Variants in CHD9 observed in about 807,000 individuals in gnomAD.
The protein encoded by CHD9 is ATP-dependent chromatin remodeler CHD9.
CHD9 carries 77 observed loss-of-function variants against 316.1 expected under a neutral mutation model. The observed-to-expected ratio is 0.24, with a 90% CI of 0.20 to 0.29. CHD9 has a LOEUF of 0.29. Among genes scored for constraint, CHD9 ranks in the 10% least tolerant of loss-of-function variants. The probability of loss-of-function intolerance (pLI) is 1.00; values close to 1 mark genes in which losing one functional copy is unlikely to be tolerated. For synonymous variants in CHD9, 1,129 were observed against 1,158.3 expected (o/e 0.97, Z 0.51); for missense variants, 2,763 against 3,438.1 (o/e 0.80, Z 4.91).
intron 19 of CHD9, among the ~76,000 whole-genome samples, chr16:53,256,718 G>C (rs2050641427): frequency 6.6e-6 from 1 of 150,750 alleles, no homozygotes; most frequent in Non-Finnish European, 1.5e-5. Context: ...TTTATTATTG[G>C]AGTATTCTGT....
chr16:53,248,526 G>GTTTTTTTTTTTTT (rs542703474), intron 16 of CHD9, among the ~76,000 whole-genome samples: 60 of 105,950 alleles, frequency 5.7e-4, no homozygotes, highest in Admixed American at 8.2e-4. Context: ...TTTTTTTTTT[G>GTTTTTTTTTTTTT]TTTTTTTTTT....
In CHD9 at chr16:53,291,856, A is replaced by G. The variant is rs191928846; in HGVS notation, c.5290+89A>G. On this transcript the variant is annotated intron_variant, in intron 28 of 38. Transcript: ENST00000447540. ...ATCAGTAAACTATTACACTTTTATA[A>G]TGTTTCATATATAAAAATTTTTATT... is the stretch of plus-strand genomic sequence containing the variant. 9.6e-5 allele frequency: 75 copies of G among 784,030 alleles called. 1 individual carries two copies. The highest frequency in any genetic ancestry group is 6.5e-4 in the East Asian group (22 of 33,732). 48.6% of individuals were successfully genotyped at this position (784,030 alleles called of 1,614,324 possible).
At position 53,286,339 on chromosome 16, in the gene CHD9, G is replaced by T; in HGVS notation, c.5185G>T (p.Asp1729Tyr). 3 of 1,555,620 alleles carry T rather than the reference G, an allele frequency of 1.9e-6. No homozygotes were observed. The highest frequency in any genetic ancestry group is 2.7e-6 in the Non-Finnish European group (3 of 1,126,990). The change falls in exon 26 of 39, where the codon GAT becomes TAT. Residue 1729 changes from aspartate (D) to tyrosine (Y), a missense_variant. Coordinates refer to ENST00000447540, the MANE Select transcript of CHD9 (RefSeq NM_001308319.2). ...TGAACAGAGAGCGAATGATTATATGGATGGGTATGTGTGTTTCAGAGTCAT... is the reference window on the plus strand; with the variant it reads ...TGAACAGAGAGCGAATGATTATATGTATGGGTATGTGTGTTTCAGAGTCAT... ...AAEQRANDYM[D>Y]GDVEDPEYKP...
At chr16:53,258,500 A>T (rs949391201) in intron 19 of CHD9, among the ~76,000 whole-genome samples, 3 of 152,148 alleles carry the variant, frequency 2.0e-5, no homozygotes, top group Non-Finnish European at 4.4e-5. Flanking sequence ...ATGCTATTAG[A>T]TACTGGACAT....
intron 2 of CHD9, among the ~76,000 whole-genome samples, chr16:53,191,607 T>A (rs1262693519): frequency 6.6e-6 from 1 of 152,168 alleles, no homozygotes; most frequent in Non-Finnish European, 1.5e-5. Context: ...GGCAGTAGTT[T>A]GTTCCTTTTT....
chr16:53,309,845 T>A (rs550500966), intron 34 of CHD9, among the ~76,000 whole-genome samples: 97 of 149,364 alleles, frequency 6.5e-4, no homozygotes, highest in African/African-American at 2.2e-3. Context: ...AATGAAAATT[T>A]AAAAAAAAAA....
intron 19 of CHD9, among the ~76,000 whole-genome samples, chr16:53,261,240 A>G (rs764006602): frequency 6.6e-6 from 1 of 151,908 alleles, no homozygotes; most frequent in Non-Finnish European, 1.5e-5. Flanking sequence ...TAAAAGCCAA[A>G]CCTCAAAAGA....
In CHD9 at chr16:53,100,639, T is replaced by C. The variant is rs116531510; in HGVS notation, c.-165+45562T>C. Among the ~76,000 whole-genome samples, 932 of 152,234 alleles carry C rather than the reference T, an allele frequency of 6.1e-3. 14 individuals are homozygous for C. The highest frequency in any genetic ancestry group is 0.021 in the African/African-American group (875 of 41,548). ...ATGCCCGACTAATTTTTTAATTTTT[T>C]TGTAGGGATGGAGTCTCACCATGTT... On this transcript the variant is annotated intron_variant, in intron 1 of 38. Coordinates refer to ENST00000447540, the MANE Select transcript of CHD9 (RefSeq NM_001308319.2).
chr16:53,085,376 C>G (rs898117415), intron 1 of CHD9, among the ~76,000 whole-genome samples: 27 of 152,196 alleles, frequency 1.8e-4, no homozygotes, highest in Admixed American at 1.2e-3. Flanking sequence ...ATCTTACCCC[C>G]CAGGACATTT....
intron 16 of CHD9, 66 bp from the exon 17 acceptor site, chr16:53,249,805 T>TA (rs2049981040): frequency 7.9e-7 from 1 of 1,272,828 alleles, no homozygotes; most frequent in African/African-American, 1.5e-5. Flanking sequence ...GACTTTACAT[T>TA]TGATAGAATA....
chr16:53,088,667 G>C lies in CHD9; in HGVS notation c.-165+33590G>C, dbSNP rs148391879. Among the ~76,000 whole-genome samples the C allele has an allele frequency of 1.4e-4, 21 of 152,256 alleles. No individual in the cohort carries two copies. The East Asian group carries it at 3.9e-3, about 28-fold the overall frequency. On this transcript the variant is annotated intron_variant, in intron 1 of 38. Transcript: ENST00000447540. The stretch of plus-strand genomic sequence containing the variant: ...TGGTTCATTACAGGGCATTGCAGGG[G>C]TGTTGGGCATGGTTACCCAAATGAA...
intron 1 of CHD9, among the ~76,000 whole-genome samples, chr16:53,136,090 G>T (rs1247157618): frequency 6.6e-6 from 1 of 152,044 alleles, no homozygotes; most frequent in East Asian, 1.9e-4. Flanking sequence ...ATAAGTAGAA[G>T]TTATAGTTCA....
At chr16:53,126,745 C>T (rs1481192196) in intron 1 of CHD9, among the ~76,000 whole-genome samples, 1 of 152,048 alleles carries the variant, frequency 6.6e-6, no homozygotes, top group African/African-American at 2.4e-5. Context: ...GTAGCACGAT[C>T]TCGGCTCACT....
chr16:53,149,254 T>A (rs924191179), intron 1 of CHD9, among the ~76,000 whole-genome samples: 3 of 152,212 alleles, frequency 2.0e-5, no homozygotes, highest in African/African-American at 7.2e-5. Flanking sequence ...AGTGTCTGTA[T>A]ATGTGTGTTA....
chr16:53,303,075 C>T (rs1052692123), intron 30 of CHD9, among the ~76,000 whole-genome samples: 2 of 152,060 alleles, frequency 1.3e-5, no homozygotes, highest in African/African-American at 4.8e-5. Context: ...TGCCAGCTTA[C>T]ATTTGTTTAT....
chr16:53,072,340 G>A (rs1404438668), intron 1 of CHD9, among the ~76,000 whole-genome samples: 1 of 145,086 alleles, frequency 6.9e-6, no homozygotes. Flanking sequence ...TTTTATAATT[G>A]GGATCCCTGC....
At chr16:53,205,093 T>G (rs73597654) in intron 2 of CHD9, among the ~76,000 whole-genome samples, 5,827 of 152,226 alleles carry the variant, frequency 0.038, 375 homozygotes, top group African/African-American at 0.13. Flanking sequence ...GCATCCACCT[T>G]GGCCTCCCCA....
chr16:53,308,049 T>A, intron 33 of CHD9, 96 bp downstream of exon 33: 2 of 1,043,256 alleles, frequency 1.9e-6, no homozygotes, highest in Non-Finnish European at 2.7e-6. Flanking sequence ...CTTCCTTCCT[T>A]CACATACCTG....
chr16:53,228,913 T>TA, intron 7 of CHD9, 70 bp from the exon 8 acceptor site: 1 of 703,512 alleles, frequency 1.4e-6, no homozygotes, highest in Non-Finnish European at 2.3e-6. Context: ...TATTGGATGT[T>TA]ATGATTTAAA....
Sources: allele counts gnomAD v4.1 joint callset (sites outside exome capture counted in the v4.1 genomes callset), GRCh38; gene constraint gnomAD v4.1.1; transcripts MANE v1.5; gene names NCBI Gene and HGNC (gene_info 2026-07-23, HGNC 2026-07-21).